The following NYAP2 variants were observed in gnomAD, a reference collection of about 807,000 sequenced individuals.
NYAP2 encodes neuronal tyrosine-phosphorylated phosphoinositide-3-kinase adaptor 2.
Under a neutral mutation model 50.4 loss-of-function variants are expected in NYAP2, and 23 were observed. That is an observed-to-expected ratio of 0.46 (90% CI 0.33 to 0.65). The LOEUF is 0.65. Ranked by LOEUF, NYAP2 falls within the 30% of genes least tolerant of loss-of-function variation. NYAP2 has a pLI of 0.02. For missense variants in NYAP2, 885 were observed against 861.0 expected (o/e 1.03, Z -0.35); for synonymous variants, 394 against 365.2 (o/e 1.08, Z -0.90).
Position 225,490,002 on chromosome 2 carries a change from A to C in NYAP2, c.222-23369A>C, listed in dbSNP as rs557856169. 1.1e-4 allele frequency among the ~76,000 whole-genome samples: 17 copies of C among 152,356 alleles called. No homozygotes were observed. The Middle Eastern group carries it at 0.01, about 91-fold the overall frequency. ...GGAAAAACAGTTTGAGAAACAATGC[A>C]AACTGTGAAAGGTTCTTAGATGTTC... On this transcript the variant is annotated intron_variant, in intron 3 of 6. Coordinates refer to ENST00000636099, the Ensembl canonical transcript of NYAP2.
chr2:225,483,705 GA>G (rs1440257820), intron 3 of NYAP2, among the ~76,000 whole-genome samples: 27 of 152,126 alleles, frequency 1.8e-4, no homozygotes, highest in African/African-American at 6.5e-4. Context: ...AGGGAGAATG[GA>G]AAGTTTTGTT....
chr2:225,529,498 T>C (rs910542552), intron 4 of NYAP2, among the ~76,000 whole-genome samples: 1 of 151,972 alleles, frequency 6.6e-6, no homozygotes, highest in African/African-American at 2.4e-5. Flanking sequence ...ACTAATTTTT[T>C]ATTTTTAGTA....
At position 225,602,824 on chromosome 2, in the gene NYAP2, T is replaced by A. The variant is rs182252172; in HGVS notation, c.1618+19789T>A. ...TCCATTGGTCTATTTGTCTGTCTTA[T>A]GCCAGTGCTACACTGTTTTGGTTAC... On this transcript the variant is annotated intron_variant, in intron 5 of 6. Coordinates refer to ENST00000636099, the Ensembl canonical transcript of NYAP2. Among the ~76,000 whole-genome samples, 148 of 152,338 alleles carry A rather than the reference T, an allele frequency of 9.7e-4. 2 individuals carry two copies. Among genetic ancestry groups the A allele is most frequent in the African/African-American group, 3.4e-3 (140 of 41,582 alleles).
chr2:225,656,431 C>T (rs1693827065), downstream of NYAP2, among the ~76,000 whole-genome samples: 2 of 152,140 alleles, frequency 1.3e-5, no homozygotes, highest in Non-Finnish European at 2.9e-5. Flanking sequence ...CATAGCAGCC[C>T]CCTGGCCTCT....
At chr2:225,661,098 C>A in the NYAP2 span, among the ~76,000 whole-genome samples, 13 of 152,136 alleles carry the variant, frequency 8.5e-5, no homozygotes, top group African/African-American at 2.9e-4. Context: ...AAAATTCCTT[C>A]TTGATTTCTT....
chr2:225,406,463 ATTAT>A (rs1376368878), intron 2 of NYAP2, among the ~76,000 whole-genome samples: 1 of 152,098 alleles, frequency 6.6e-6, no homozygotes, highest in South Asian at 2.1e-4. Context: ...AAGTATTGCA[ATTAT>A]TTATTTATTT....
chr2:225,659,854 C>G, the NYAP2 span, among the ~76,000 whole-genome samples: 1 of 152,190 alleles, frequency 6.6e-6, no homozygotes. Flanking sequence ...AGTTTTTCCT[C>G]TTTCCAAAAA....
chr2:225,583,779 G>A (rs1424197704), intron 5 of NYAP2, among the ~76,000 whole-genome samples: 1 of 152,114 alleles, frequency 6.6e-6, no homozygotes, highest in East Asian at 1.9e-4. Context: ...GGTGGCTCGC[G>A]CCTGTAATCC....
intron 4 of NYAP2, among the ~76,000 whole-genome samples, chr2:225,519,678 A>T (rs1272589150): frequency 6.6e-6 from 1 of 152,024 alleles, no homozygotes; most frequent in African/African-American, 2.4e-5. Context: ...TCATTGTTGG[A>T]CATTTGCGCT....
Position 225,529,051 on chromosome 2 carries a change from G to A in NYAP2, c.523+15379G>A, listed in dbSNP as rs75380324. Among the ~76,000 whole-genome samples the A allele has an allele frequency of 6.2e-3, 942 of 152,230 alleles. 8 individuals are homozygous for A. Among genetic ancestry groups the A allele is most frequent in the African/African-American group, 0.021 (883 of 41,536 alleles). ...CTATATAAAGATTGATCTCTTCTTTGCATTTATATGAAAGCATTAGAAAGT... is the reference window on the plus strand; with the variant it reads ...CTATATAAAGATTGATCTCTTCTTTACATTTATATGAAAGCATTAGAAAGT... On this transcript the variant is annotated intron_variant, in intron 4 of 6. Transcript: ENST00000636099.
chr2:225,694,779 G>C, the NYAP2 span, among the ~76,000 whole-genome samples: 11 of 151,484 alleles, frequency 7.3e-5, no homozygotes, highest in African/African-American at 2.7e-4. Flanking sequence ...TTTATATTTT[G>C]AATGGACAAT....
At chr2:225,443,798 G>A (rs1689509872) in intron 3 of NYAP2, among the ~76,000 whole-genome samples, 4 of 152,046 alleles carry the variant, frequency 2.6e-5, no homozygotes, top group Non-Finnish European at 1.5e-5. Context: ...CCATATAATT[G>A]TTACTCCTTT....
chr2:225,465,953 C>A (rs1455004988), intron 3 of NYAP2, among the ~76,000 whole-genome samples: 1 of 152,108 alleles, frequency 6.6e-6, no homozygotes, highest in East Asian at 1.9e-4. Flanking sequence ...TGCACAAAAT[C>A]CACACTCTTA....
intron 5 of NYAP2, among the ~76,000 whole-genome samples, chr2:225,584,574 A>G (rs1283648315): frequency 3.9e-5 from 6 of 152,216 alleles, no homozygotes; most frequent in African/African-American, 1.2e-4. Flanking sequence ...ATCTATTCAT[A>G]CACTCATACT....
chr2:225,552,630 C>G (rs1382681659), intron 4 of NYAP2, among the ~76,000 whole-genome samples: 4 of 152,154 alleles, frequency 2.6e-5, no homozygotes, highest in African/African-American at 9.7e-5. Context: ...CAGAACTGAC[C>G]ATGCTGGAAC....
At chr2:225,560,932 C>CT (rs1691859548) in intron 4 of NYAP2, among the ~76,000 whole-genome samples, 2 of 69,326 alleles carry the variant, frequency 2.9e-5, no homozygotes, top group African/African-American at 3.7e-5. Context: ...CTTTCCAAAA[C>CT]GTTTTTTTTT....
downstream of NYAP2, among the ~76,000 whole-genome samples, chr2:225,656,345 C>T (rs1693825388): frequency 6.6e-6 from 1 of 152,148 alleles, no homozygotes; most frequent in African/African-American, 2.4e-5. Flanking sequence ...TACTTAATAG[C>T]TGTTATCCAG....
intron 5 of NYAP2, among the ~76,000 whole-genome samples, chr2:225,611,045 A>G (rs577571222): frequency 6.6e-6 from 1 of 152,304 alleles, no homozygotes; most frequent in Non-Finnish European, 1.5e-5. Flanking sequence ...AGGTTTCAGC[A>G]AGCTGGTTGA....
At chr2:225,677,242 C>A in the NYAP2 span, among the ~76,000 whole-genome samples, 1 of 151,454 alleles carries the variant, frequency 6.6e-6, no homozygotes, top group Admixed American at 6.6e-5. Flanking sequence ...AAATGCTACT[C>A]GTTTTTGCAC....
Sources: gnomAD v4.1 joint callset for allele counts (sites outside exome capture counted in the v4.1 genomes callset) on GRCh38, gnomAD v4.1.1 for gene constraint, MANE v1.5 for transcripts, NCBI Gene and HGNC (gene_info 2026-07-23, HGNC 2026-07-21) for gene names.